The following WDSUB1 variants were observed in gnomAD, a reference collection of about 807,000 sequenced individuals.
WDSUB1 encodes WD repeat, SAM and U-box domain-containing protein 1.
A neutral mutation model predicts 53.9 loss-of-function variants in WDSUB1; 49 were observed. The ratio of observed to expected loss-of-function variants is 0.91; its 90% confidence interval spans 0.72 to 1.15. WDSUB1 has a LOEUF of 1.15. Among genes scored for constraint, WDSUB1 ranks in the 50% most tolerant of loss-of-function variants. WDSUB1 has a pLI of 0.00. For synonymous variants in WDSUB1, 194 were observed against 200.6 expected, an observed-to-expected ratio of 0.97 and a Z score of 0.28; for missense variants, 514 against 562.0, an observed-to-expected ratio of 0.91 and a Z score of 0.86.
In WDSUB1 at chr2:159,248,432, G is replaced by T; in HGVS notation, c.1213C>A (p.Pro405Thr). ...GTTATTGGACATATAAATTCATCAGGAATTCCTGAAGAAAGGGATTTAACC... is the reference window on the plus strand; with the variant it reads ...GTTATTGGACATATAAATTCATCAGTAATTCCTGAAGAAAGGGATTTAACC... The part of the protein sequence containing the change: ...TKVKSLSSGI[P>T]DEFICPITRE... Residue 405 changes from proline to threonine, a missense_variant, in exon 10 of 11, where the codon CCT becomes ACT. Pro to Thr is a conservative substitution (Grantham distance 38). Coordinates refer to ENST00000359774, the MANE Select transcript of WDSUB1 (RefSeq NM_001128212.3). The T allele has an allele frequency of 6.2e-7, 1 of 1,607,850 alleles. No individual in the cohort carries two copies. The highest frequency in any genetic ancestry group is 1.1e-5 in the South Asian group (1 of 89,674).
At chr2:159,285,993 G>C (rs2061786771) in intron 1 of WDSUB1, among the ~76,000 whole-genome samples, 1 of 152,078 alleles carries the variant, frequency 6.6e-6, no homozygotes, top group Admixed American at 6.5e-5. Context: ...CCCTTTGCAA[G>C]TTCCAGGGCA....
intron 8 of WDSUB1, among the ~76,000 whole-genome samples, chr2:159,256,597 CA>C (rs35877234): frequency 0.013 from 1,811 of 135,096 alleles, 24 homozygotes; most frequent in African/African-American, 0.037. Context: ...AGACCAGTCT[CA>C]AAAAAAAAAA....
rs1334770783 is a variant in WDSUB1, at chr2:159,271,785, T to C, written c.687A>G (p.Leu229=). Residue 229 remains leucine, a synonymous_variant, in exon 5 of 11, where the codon TTA becomes TTG. Coordinates refer to ENST00000359774, the MANE Select transcript of WDSUB1 (RefSeq NM_001128212.3). ...GCCCACTCAGTGTACTTTTATATTT[T>C]AATTCAAAACCTGCAAATAACAAGG... The part of the protein sequence containing the change: ...VSFTHILGFE[L]KYKSTLSGHC... 2 of 1,613,772 alleles carry C rather than the reference T, an allele frequency of 1.2e-6. No homozygotes were observed. The highest frequency in any genetic ancestry group is 1.7e-5 in the Admixed American group (1 of 59,960).
intron 5 of WDSUB1, among the ~76,000 whole-genome samples, chr2:159,262,262 G>A (rs1265638633): frequency 6.6e-6 from 1 of 151,906 alleles, no homozygotes; most frequent in African/African-American, 2.4e-5. Flanking sequence ...TATGAGCATT[G>A]GATTGGGAAG....
At chr2:159,261,963 T>G (rs546842220) in intron 5 of WDSUB1, among the ~76,000 whole-genome samples, 6 of 142,350 alleles carry the variant, frequency 4.2e-5, no homozygotes, top group African/African-American at 1.6e-4. Flanking sequence ...TGAACTGGCT[T>G]TTGGTTAATT....
At chr2:159,275,880 A>T (rs1386168701) in intron 3 of WDSUB1, among the ~76,000 whole-genome samples, 3 of 152,198 alleles carry the variant, frequency 2.0e-5, no homozygotes, top group Non-Finnish European at 4.4e-5. Context: ...TTCCTCAAAG[A>T]ATAGAACTCA....
intron 9 of WDSUB1, 139 bp downstream of exon 9, chr2:159,256,057 A>C: frequency 1.4e-6 from 1 of 693,728 alleles, no homozygotes; most frequent in Middle Eastern, 4.1e-4. Context: ...CACAGCTGCT[A>C]GGATGGCCAT....
At chr2:159,264,238 A>C (rs953198797) in intron 5 of WDSUB1, among the ~76,000 whole-genome samples, 1 of 152,240 alleles carries the variant, frequency 6.6e-6, no homozygotes, top group East Asian at 1.9e-4. Context: ...TCTACTTTCA[A>C]GCAATCTAGC....
At chr2:159,270,470 G>C (rs2061425243) in intron 5 of WDSUB1, among the ~76,000 whole-genome samples, 1 of 152,194 alleles carries the variant, frequency 6.6e-6, no homozygotes, top group South Asian at 2.1e-4. Context: ...GAGACAGAAT[G>C]ATATTAGAGC....
At chr2:159,261,900 T>C in intron 5 of WDSUB1, among the ~76,000 whole-genome samples, 1 of 27,890 alleles carries the variant, frequency 3.6e-5, no homozygotes, top group East Asian at 4.5e-4. Context: ...ATATATATTT[T>C]TTTTTTTTTT....
intron 3 of WDSUB1, among the ~76,000 whole-genome samples, 180 bp downstream of exon 3, chr2:159,279,581 T>G (rs1294095744): frequency 6.6e-6 from 1 of 152,154 alleles, no homozygotes. Flanking sequence ...TCTCATATAT[T>G]TTTTCATGAT....
At chr2:159,271,601 G>A in intron 5 of WDSUB1, 101 bp downstream of exon 5, 1 of 991,606 alleles carries the variant, frequency 1.0e-6, no homozygotes, top group Non-Finnish European at 1.6e-6. Context: ...TGACCTTTGT[G>A]GTGGCTCATC....
chr2:159,238,603 C>T (rs2060551660), intron 10 of WDSUB1, among the ~76,000 whole-genome samples: 1 of 152,168 alleles, frequency 6.6e-6, no homozygotes, highest in African/African-American at 2.4e-5. Context: ...TAAATGCTAT[C>T]TTTATCAATC....
At chr2:159,244,646 C>T (rs1438609606) in intron 10 of WDSUB1, among the ~76,000 whole-genome samples, 1 of 152,136 alleles carries the variant, frequency 6.6e-6, no homozygotes, top group Non-Finnish European at 1.5e-5. Flanking sequence ...AGCTACTGGC[C>T]AGGCTCAGTG....
chr2:159,280,269 C>T (rs915360256), intron 2 of WDSUB1, among the ~76,000 whole-genome samples: 1 of 152,128 alleles, frequency 6.6e-6, no homozygotes, highest in Non-Finnish European at 1.5e-5. Context: ...ATATGTAAAA[C>T]TTAACCAGAA....
intron 5 of WDSUB1, among the ~76,000 whole-genome samples, chr2:159,261,886 ATATATATATATTTT>A (rs2061223928): frequency 6.5e-5 from 1 of 15,360 alleles, no homozygotes; most frequent in South Asian, 3.7e-3. Context: ...ATATATATAT[ATATATATATATTTT>A]TTTTTTTTTT....
At chr2:159,272,413 T>C (rs2061461259) in intron 4 of WDSUB1, among the ~76,000 whole-genome samples, 1 of 152,168 alleles carries the variant, frequency 6.6e-6, no homozygotes, top group African/African-American at 2.4e-5. Flanking sequence ...CTTCAAGGCA[T>C]TCCTCCAGAG....
At chr2:159,274,486 AACTG>A (rs540608473) in intron 4 of WDSUB1, among the ~76,000 whole-genome samples, 1 of 152,164 alleles carries the variant, frequency 6.6e-6, no homozygotes, top group Non-Finnish European at 1.5e-5. Context: ...GAGAAAAATG[AACTG>A]ACTGACTGTA....
At chr2:159,246,582 A>G (rs1419165297) in intron 10 of WDSUB1, among the ~76,000 whole-genome samples, 1 of 152,170 alleles carries the variant, frequency 6.6e-6, no homozygotes, top group Non-Finnish European at 1.5e-5. Flanking sequence ...ACTTTGAGAA[A>G]CATTTTGGTA....
Sources: gnomAD v4.1 joint callset for allele counts (sites outside exome capture counted in the v4.1 genomes callset) on GRCh38, gnomAD v4.1.1 for gene constraint, MANE v1.5 for transcripts, NCBI Gene and HGNC (gene_info 2026-07-23, HGNC 2026-07-21) for gene names.